Variants in SULT4A1 observed in about 807,000 individuals in gnomAD.
SULT4A1 encodes sulfotransferase 4A1.
In SULT4A1, 11 loss-of-function variants were observed where a neutral mutation model predicts 35.2. That is an observed-to-expected ratio of 0.31 (90% CI 0.20 to 0.52). The LOEUF (loss-of-function observed/expected upper bound fraction) is 0.52, where lower values mean the gene tolerates loss of function less well. Among genes scored for constraint, SULT4A1 ranks in the 20% least tolerant of loss-of-function variants. The pLI, the probability that SULT4A1 is intolerant of heterozygous loss-of-function variation, is 0.97. For missense variants in SULT4A1, 271 were observed against 383.7 expected, an observed-to-expected ratio of 0.71 and a Z score of 2.45; for synonymous variants, 152 against 151.8, an observed-to-expected ratio of 1.00 and a Z score of -0.01.
rs1174376076 is a variant in SULT4A1, at chr22:43,848,493, G to A, written c.170-6561C>T. Among the ~76,000 whole-genome samples the A allele has an allele frequency of 4.6e-5, 7 of 152,298 alleles. No homozygotes were observed. The East Asian group carries it at 1.4e-3, about 29-fold the overall frequency. On this transcript the variant is annotated intron_variant, in intron 1 of 6. Coordinates refer to ENST00000330884, the MANE Select transcript of SULT4A1 (RefSeq NM_014351.4). The stretch of plus-strand genomic sequence containing the variant: ...CAAAGCAATGCCCACAGCCAACCCT[G>A]TGGTTCCCTCCACTAGCCTCGAGCA...
intron 1 of SULT4A1, among the ~76,000 whole-genome samples, chr22:43,847,727 C>T (rs904859075): frequency 6.6e-6 from 1 of 152,230 alleles, no homozygotes; most frequent in Non-Finnish European, 1.5e-5. Flanking sequence ...CCTAACAACA[C>T]GCCTCTCGAT....
intron 1 of SULT4A1, among the ~76,000 whole-genome samples, chr22:43,853,113 CCAGA>C (rs2049360665): frequency 1.3e-5 from 2 of 151,810 alleles, no homozygotes; most frequent in Non-Finnish European, 2.9e-5. Flanking sequence ...CACACACACA[CCAGA>C]CACAGACCAC....
chr22:43,854,169 C>T (rs1244594742), intron 1 of SULT4A1, among the ~76,000 whole-genome samples: 9 of 152,214 alleles, frequency 5.9e-5, no homozygotes, highest in African/African-American at 2.2e-4. Context: ...CCAACACATG[C>T]CCCATGCACA....
chr22:43,827,258 T>G, intron 6 of SULT4A1: 1 of 985,454 alleles, frequency 1.0e-6, no homozygotes, highest in Non-Finnish European at 1.2e-6. Flanking sequence ...ACAGCGGTCC[T>G]TGTCCAGGCA....
rs1258813480 is a variant in SULT4A1, at chr22:43,841,837, G to A, written c.265C>T (p.Leu89=). 1 of 1,613,882 alleles carries A rather than the reference G, an allele frequency of 6.2e-7. No individual in the cohort carries two copies. The highest frequency in any genetic ancestry group is 8.5e-7 in the Non-Finnish European group (1 of 1,179,918). The stretch of plus-strand genomic sequence containing the variant: ...TCCAGGCCCGGCTGTGGGTACTCCA[G>A]GACCGGGAGCTGCTCGTCGATGTTC... ...LMNIDEQLPV[L]EYPQPGLDII... is the part of the protein sequence containing the mutation. The change falls in exon 2 of 7, where the codon CTG becomes TTG. Residue 89 remains leucine (L), a synonymous_variant. Coordinates refer to ENST00000330884, the MANE Select transcript of SULT4A1 (RefSeq NM_014351.4).
rs1413910881 is a variant in SULT4A1 at position 43,839,961 on chromosome 22, T to C, written c.365A>G (p.His122Arg). The C allele has an allele frequency of 6.2e-7, 1 of 1,608,500 alleles. No individual in the cohort carries two copies. Among genetic ancestry groups the C allele is most frequent in the African/African-American group, 1.3e-5 (1 of 74,616 alleles). ...LPYRFLPSDL[H>R]NGDSKVIYMA... Reference sequence around the variant, plus strand: ...CCAGCTTACCTTGGAGTCTCCATTGTGGAGGTCAGAGGGCAGAAAGCGGTA... The same window carrying C: ...CCAGCTTACCTTGGAGTCTCCATTGCGGAGGTCAGAGGGCAGAAAGCGGTA... Residue 122 changes from histidine to arginine, a missense_variant, in exon 3 of 7, where the codon CAC (histidine) becomes CGC (arginine). By Grantham distance (29) the His-to-Arg change is conservative. Coordinates refer to ENST00000330884, the MANE Select transcript of SULT4A1 (RefSeq NM_014351.4).
At chr22:43,826,910 G>A in intron 6 of SULT4A1, 1 of 985,454 alleles carries the variant, frequency 1.0e-6, no homozygotes, top group South Asian at 4.7e-5. Flanking sequence ...AGCCACAAGG[G>A]AGGGCTGAGC....
In SULT4A1 at chr22:43,862,483, C is replaced by G. The variant is rs1321217660; in HGVS notation, c.-101G>C. On this transcript the variant is annotated 5_prime_UTR_variant, in exon 1 of 7. Coordinates refer to ENST00000330884, the MANE Select transcript of SULT4A1 (RefSeq NM_014351.4). Reference sequence around the variant, plus strand: ...CGCCCCGCACACGCTCGCGCCCCACCGGCGCGCGGCGGCAGCTCCGCAGGC... The same window carrying G: ...CGCCCCGCACACGCTCGCGCCCCACGGGCGCGCGGCGGCAGCTCCGCAGGC... The G allele has an allele frequency of 1.5e-5, 14 of 952,124 alleles. No homozygotes were observed. Among genetic ancestry groups the G allele is most frequent in the Admixed American group, 6.4e-5 (1 of 15,628 alleles). 59.0% of individuals were successfully genotyped at this position (952,124 alleles called of 1,614,324 possible). A position where few individuals can be genotyped will look rare whatever the true frequency, so the allele number is the denominator to read the frequency against.
chr22:43,841,770 G>A (rs767744932), intron 2 of SULT4A1, 32 bp downstream of exon 2: 1 of 1,606,226 alleles, frequency 6.2e-7, no homozygotes, highest in South Asian at 1.1e-5. Flanking sequence ...CCCTAAAGAG[G>A]TGCTGGGACA....
chr22:43,857,368 C>T (rs2049413297), intron 1 of SULT4A1, among the ~76,000 whole-genome samples: 1 of 29,184 alleles, frequency 3.4e-5, no homozygotes, highest in Non-Finnish European at 5.3e-5. Flanking sequence ...GAGATCCTGT[C>T]TCAAAAAAAA....
Position 43,825,900 on chromosome 22 carries a change from G to C in SULT4A1, c.*101C>G. 8 of 1,201,624 alleles carry C rather than the reference G, an allele frequency of 6.7e-6. No individual in the cohort carries two copies. In the South Asian group the frequency reaches 1.1e-4, roughly 17 times the overall value. The allele number at this position is 1,201,624 out of a possible 1,614,324, so 74.4% of individuals were successfully genotyped here. ...CCCTTCCCCCGCTGTTTCACACGCT[G>C]CTTCCAGAGTTTGTCCAGCAAGGAA... is the stretch of plus-strand genomic sequence containing the variant. On this transcript the variant is annotated 3_prime_UTR_variant, in exon 7 of 7. Coordinates refer to ENST00000330884, the MANE Select transcript of SULT4A1 (RefSeq NM_014351.4).
intron 1 of SULT4A1, among the ~76,000 whole-genome samples, chr22:43,849,722 C>T (rs1475238631): frequency 6.6e-6 from 1 of 152,206 alleles, no homozygotes; most frequent in Non-Finnish European, 1.5e-5. Flanking sequence ...CCTCATTCCT[C>T]CTGGATGCCA....
chr22:43,859,248 A>T (rs1024459540), intron 1 of SULT4A1, among the ~76,000 whole-genome samples: 1 of 152,230 alleles, frequency 6.6e-6, no homozygotes, highest in African/African-American at 2.4e-5. Flanking sequence ...GTAAGACTTA[A>T]ATGAATCAAT....
At chr22:43,827,496 G>A (rs954866362) in intron 6 of SULT4A1, 41 of 1,322,952 alleles carry the variant, frequency 3.1e-5, no homozygotes, top group South Asian at 3.0e-4. Context: ...CTGAGAGCTC[G>A]TCAGAGGAGT....
At chr22:43,859,836 G>C (rs1198326465) in intron 1 of SULT4A1, among the ~76,000 whole-genome samples, 1 of 152,164 alleles carries the variant, frequency 6.6e-6, no homozygotes, top group Non-Finnish European at 1.5e-5. Context: ...TGCTACTGAG[G>C]AACAGAATTT....
intron 1 of SULT4A1, 88 bp from the exon 2 acceptor site, chr22:43,842,020 G>C (rs916053613): frequency 2.0e-6 from 3 of 1,510,644 alleles, no homozygotes; most frequent in Admixed American, 2.1e-5. Context: ...TGCCCAAGAA[G>C]GGGCTCAAGA....
chr22:43,825,950 G>C lies in SULT4A1; in HGVS notation c.*51C>G, dbSNP rs995526657. The stretch of plus-strand genomic sequence containing the variant: ...ATAAATGAATGCATACAGGACTTTT[G>C]GCTAGTAGACTGTCTGGGTATTGTG... On this transcript the variant is annotated 3_prime_UTR_variant, in exon 7 of 7. Transcript: ENST00000330884. 2 of 1,561,010 alleles carry C rather than the reference G, an allele frequency of 1.3e-6. No individual in the cohort carries two copies. The highest frequency in any genetic ancestry group is 1.8e-6 in the Non-Finnish European group (2 of 1,137,404).
At chr22:43,837,027 G>T (rs1185904555) in intron 4 of SULT4A1, among the ~76,000 whole-genome samples, 5 of 152,276 alleles carry the variant, frequency 3.3e-5, no homozygotes, top group Non-Finnish European at 7.3e-5. Context: ...GGTTGTTTAT[G>T]CAGGACCCTC....
In SULT4A1 at chr22:43,825,185, G is replaced by C. The variant is rs1287203267; in HGVS notation, c.*816C>G. On this transcript the variant is annotated 3_prime_UTR_variant, in exon 7 of 7. Coordinates refer to ENST00000330884, the MANE Select transcript of SULT4A1 (RefSeq NM_014351.4). Reference sequence around the variant, plus strand: ...AAACAAAGTAAGGCTGTGGAATTCAGCTCAAATTCCGAGCGCAACTCGGTC... The same window carrying C: ...AAACAAAGTAAGGCTGTGGAATTCACCTCAAATTCCGAGCGCAACTCGGTC... 6.6e-6 allele frequency: 1 copy of C among 152,216 alleles called. No individual in the cohort carries two copies. Among genetic ancestry groups the C allele is most frequent in the African/African-American group, 2.4e-5 (1 of 41,450 alleles). 9.4% of individuals were successfully genotyped at this position (152,216 alleles called of 1,614,324 possible).
Sources: allele counts gnomAD v4.1 joint callset (sites outside exome capture counted in the v4.1 genomes callset), GRCh38; gene constraint gnomAD v4.1.1; transcripts MANE v1.5; gene names NCBI Gene and HGNC (gene_info 2026-07-23, HGNC 2026-07-21).